PTPRS: variants seen among roughly 807,000 people sequenced by gnomAD.
PTPRS encodes the protein protein tyrosine phosphatase receptor type S, also known as receptor-type tyrosine-protein phosphatase S.
A neutral mutation model predicts 215.3 loss-of-function variants in PTPRS; 63 were observed. That is an observed-to-expected ratio of 0.29 (90% CI 0.24 to 0.36). The LOEUF (loss-of-function observed/expected upper bound fraction) is 0.36, where lower values mean the gene tolerates loss of function less well. Among genes scored for constraint, PTPRS ranks in the 10% least tolerant of loss-of-function variants. The pLI is 1.00. For missense variants in PTPRS, 2,258 were observed against 2,825.8 expected, an observed-to-expected ratio of 0.80 and a Z score of 4.56; for synonymous variants, 1,404 against 1,191.4, an observed-to-expected ratio of 1.18 and a Z score of -3.68.
At chr19:5,242,879 G>A (rs1185921990) in intron 11 of PTPRS, among the ~76,000 whole-genome samples, 1 of 151,960 alleles carries the variant, frequency 6.6e-6, no homozygotes, top group African/African-American at 2.4e-5. Context: ...TTTTTTGTGT[G>A]TGTAGAGATG....
At chr19:5,215,686 G>C in intron 26 of PTPRS, 91 bp from the exon 27 acceptor site, 1 of 913,928 alleles carries the variant, frequency 1.1e-6, no homozygotes, top group African/African-American at 1.6e-5. Flanking sequence ...GTGAGTCTGC[G>C]ATGGGTGAGC....
At chr19:5,219,530 T>C in intron 22 of PTPRS, 63 bp from the exon 23 acceptor site, 1 of 1,491,176 alleles carries the variant, frequency 6.7e-7, no homozygotes, top group Non-Finnish European at 8.9e-7. Flanking sequence ...CAGATGGGTC[T>C]TTCTCAAACA....
Position 5,229,528 on chromosome 19 carries a change from G to C in PTPRS, c.2312C>G (p.Pro771Arg). 1 of 1,464,950 alleles carries C rather than the reference G, an allele frequency of 6.8e-7. No homozygotes were observed. Among genetic ancestry groups the C allele is most frequent in the South Asian group, 1.3e-5 (1 of 74,728 alleles). 90.7% of individuals were successfully genotyped at this position (1,464,950 alleles called of 1,614,324 possible). Residue 771 changes from proline to arginine, a missense_variant, in exon 15 of 38, where the codon CCG (proline) becomes CGG (arginine). Coordinates refer to ENST00000262963, the MANE Select transcript of PTPRS (RefSeq NM_002850.4). The part of the protein sequence containing the change: ...VRMEGAEARG[P>R]PRIKDVMLAD... ...CAGCATGACGTCCTTGATGCGCGGC[G>C]GCCCGCGGGCCTCGGCGCCCTCCAT...
chr19:5,256,693 G>C (rs943708741), intron 8 of PTPRS, among the ~76,000 whole-genome samples: 1 of 152,120 alleles, frequency 6.6e-6, no homozygotes, highest in Admixed American at 6.5e-5. Flanking sequence ...GAGGTGCCGT[G>C]ACAGTGGATC....
In PTPRS at chr19:5,293,982, G is replaced by A. The variant is rs2049041900; in HGVS notation, c.-94-7748C>T. 6.6e-6 allele frequency among the ~76,000 whole-genome samples: 1 copy of A among 152,190 alleles called. No individual in the cohort carries two copies. The highest frequency in any genetic ancestry group is 2.4e-5 in the African/African-American group (1 of 41,448). ...GTCCGGGCGGCCAATCCGAGCCAGCGTTGCGCCCGGGGTGCGGGTTTGAAA... is the reference window on the plus strand; with the variant it reads ...GTCCGGGCGGCCAATCCGAGCCAGCATTGCGCCCGGGGTGCGGGTTTGAAA... On this transcript the variant is annotated intron_variant, in intron 1 of 37. Coordinates refer to ENST00000262963, the MANE Select transcript of PTPRS (RefSeq NM_002850.4). The surrounding 1 kb of genome is among the most constrained non-coding windows in gnomAD (Gnocchi z 8.4).
chr19:5,321,325 G>A (rs1001489865), intron 1 of PTPRS, among the ~76,000 whole-genome samples: 4 of 152,132 alleles, frequency 2.6e-5, no homozygotes, highest in African/African-American at 4.8e-5. Flanking sequence ...TGTGAGTCAC[G>A]TCTACGGAGC....
intron 1 of PTPRS, among the ~76,000 whole-genome samples, chr19:5,320,081 T>A (rs961540534): frequency 1.5e-4 from 23 of 152,178 alleles, no homozygotes; most frequent in African/African-American, 5.3e-4. Flanking sequence ...AGGCAGTGGC[T>A]GCGGCCAAAG....
chr19:5,241,143 C>T (rs1483284420), intron 11 of PTPRS, among the ~76,000 whole-genome samples: 1 of 151,896 alleles, frequency 6.6e-6, no homozygotes, highest in Admixed American at 6.6e-5. Context: ...CCTGCCTCGG[C>T]CTCCCAAAGT....
At position 5,338,740 on chromosome 19, in the gene PTPRS, A is replaced by C. The variant is rs1461281873; in HGVS notation, c.-95+1924T>G. ...CTGGGAGGGGGAGGGGACTTATGCA[A>C]ATGGCAGATTCGACCAAGTCCCTGG... is the stretch of plus-strand genomic sequence containing the variant. On this transcript the variant is annotated intron_variant, in intron 1 of 37. Coordinates refer to ENST00000262963, the MANE Select transcript of PTPRS (RefSeq NM_002850.4). This position sits in a 1 kb window ranked among gnomAD's most constrained non-coding sequence, Gnocchi z 4.2. Among the ~76,000 whole-genome samples the C allele has an allele frequency of 1.3e-5, 2 of 152,146 alleles. No homozygotes were observed. The highest frequency in any genetic ancestry group is 2.9e-5 in the Non-Finnish European group (2 of 68,006).
chr19:5,331,698 G>A (rs1473457052), intron 1 of PTPRS, among the ~76,000 whole-genome samples: 4 of 152,096 alleles, frequency 2.6e-5, no homozygotes, highest in Non-Finnish European at 5.9e-5. Context: ...AGCCCCAAGA[G>A]CAAACGACTG....
chr19:5,285,459 G>A (rs1300829636), intron 2 of PTPRS, among the ~76,000 whole-genome samples: 2 of 152,212 alleles, frequency 1.3e-5, no homozygotes, highest in Non-Finnish European at 2.9e-5. Context: ...CCCGGGTGCT[G>A]TCATCCTGAC....
intron 28 of PTPRS, among the ~76,000 whole-genome samples, 178 bp from the exon 29 acceptor site, chr19:5,214,914 C>A (rs150629724): frequency 1.3e-5 from 2 of 152,264 alleles, no homozygotes; most frequent in Non-Finnish European, 2.9e-5. Flanking sequence ...GGGGCCAGAT[C>A]GCCCTCTGTG....
chr19:5,254,807 C>T (rs1368212865), intron 9 of PTPRS, among the ~76,000 whole-genome samples: 1 of 152,166 alleles, frequency 6.6e-6, no homozygotes, highest in Non-Finnish European at 1.5e-5. Flanking sequence ...TTGGCCAAGT[C>T]TTTCTTCCAA....
intron 22 of PTPRS, among the ~76,000 whole-genome samples, 184 bp from the exon 23 acceptor site, chr19:5,219,651 C>T (rs2041802828): frequency 6.6e-6 from 1 of 152,232 alleles, no homozygotes; most frequent in Non-Finnish European, 1.5e-5. Flanking sequence ...ATTCCCTTCT[C>T]TGCTCCAGCC....
chr19:5,286,285 C>A, intron 1 of PTPRS, 51 bp from the exon 2 acceptor site: 1 of 869,024 alleles, frequency 1.2e-6, no homozygotes, highest in Non-Finnish European at 1.8e-6. Flanking sequence ...ATCCAGGAGA[C>A]CTTCATGGAG....
chr19:5,332,741 G>A (rs2050368546), intron 1 of PTPRS, among the ~76,000 whole-genome samples: 1 of 152,230 alleles, frequency 6.6e-6, no homozygotes, highest in South Asian at 2.1e-4. Flanking sequence ...CCCTCTCTGG[G>A]CCTTGGCCTG....
intron 16 of PTPRS, among the ~76,000 whole-genome samples, chr19:5,226,121 T>C (rs2042475504): frequency 6.6e-6 from 1 of 152,184 alleles, no homozygotes; most frequent in African/African-American, 2.4e-5. Context: ...CCCGACAGTC[T>C]GTCCTCCCCA....
chr19:5,286,044 T>C lies in PTPRS; in HGVS notation c.91+6A>G. ...GACCCCTGCACATCCCGTGCCGGCT[T>C]CTTACCTTCTGCTGCACAGCCTCCA... is the stretch of plus-strand genomic sequence containing the variant. On this transcript the variant is annotated splice_donor_region_variant and intron_variant, in intron 2 of 37. Coordinates refer to ENST00000262963, the MANE Select transcript of PTPRS (RefSeq NM_002850.4). 1 of 1,612,032 alleles carries C rather than the reference T, an allele frequency of 6.2e-7. No individual in the cohort carries two copies. Among genetic ancestry groups the C allele is most frequent in the Non-Finnish European group, 8.5e-7 (1 of 1,178,398 alleles).
chr19:5,221,604 G>A lies in PTPRS; in HGVS notation c.3202-351C>T, dbSNP rs752059156. ...GACTGATCCTGAATTCCAGCTGAGC[G>A]CTGACCCTAGGTGGAAACCCACCTC... On this transcript the variant is annotated intron_variant, in intron 19 of 37. Coordinates refer to ENST00000262963, the MANE Select transcript of PTPRS (RefSeq NM_002850.4). Among the ~76,000 whole-genome samples, 37 of 152,014 alleles carry A rather than the reference G, an allele frequency of 2.4e-4. 1 individual carries two copies. The highest frequency in any genetic ancestry group is 6.8e-3 in the Middle Eastern group (2 of 292).
Sources: allele counts gnomAD v4.1 joint callset (sites outside exome capture counted in the v4.1 genomes callset), GRCh38; gene constraint gnomAD v4.1.1; non-coding constraint Gnocchi (gnomAD v3.1); transcripts MANE v1.5; gene names NCBI Gene and HGNC (gene_info 2026-07-23, HGNC 2026-07-21).